Variants in APBB1 observed in about 807,000 individuals in gnomAD.
APBB1 encodes amyloid beta precursor protein binding family B member 1, also known as adaptor protein FE65a2.
In APBB1, 22 loss-of-function variants were observed where a neutral mutation model predicts 78.4. The observed-to-expected ratio is 0.28, with a 90% confidence interval of 0.20 to 0.40. The LOEUF is 0.40. APBB1 is among the 10% of genes least tolerant of loss of function. The pLI is 1.00. For missense variants in APBB1, 749 were observed against 932.4 expected, an observed-to-expected ratio of 0.80 and a Z score of 2.56; for synonymous variants, 369 against 372.7, an observed-to-expected ratio of 0.99 and a Z score of 0.12.
At position 6,402,181 on chromosome 11, in the gene APBB1, T is replaced by A. The variant is rs1350770533; in HGVS notation, c.1283A>T (p.Asp428Val). Residue 428 changes from aspartate (D) to valine (V), a missense_variant, in exon 8 of 15, where the codon GAT becomes GTT. This residue lies in a region of APBB1 where 635 missense variants were observed against 765.0 expected (regional missense o/e 0.83). Transcript: ENST00000609360. ...EGKDLLLQLE[D>V]ETLKLVEPQS... The stretch of plus-strand genomic sequence containing the variant: ...TGGCTCCACTAGCTTTAGTGTCTCA[T>A]CCTCCAGCTGCAGTAGCAGATCCTT... 3.1e-6 allele frequency: 5 copies of A among 1,613,952 alleles called. No individual in the cohort carries two copies. The highest frequency in any genetic ancestry group is 4.2e-6 in the Non-Finnish European group (5 of 1,180,006).
intron 12 of APBB1, among the ~76,000 whole-genome samples, chr11:6,397,014 C>T (rs1368905981): frequency 2.0e-5 from 3 of 152,260 alleles, no homozygotes; most frequent in Admixed American, 1.3e-4. Flanking sequence ...GCCTCCTCCA[C>T]CTCAAACTGC....
At chr11:6,408,012 C>A (rs1461154007) in intron 2 of APBB1, among the ~76,000 whole-genome samples, 2 of 152,034 alleles carry the variant, frequency 1.3e-5, no homozygotes, top group Non-Finnish European at 2.9e-5. Context: ...ATCTCCTGAC[C>A]TCATGATCCA....
At chr11:6,413,088 G>A (rs929054324) in intron 1 of APBB1, among the ~76,000 whole-genome samples, 4 of 151,574 alleles carry the variant, frequency 2.6e-5, no homozygotes, top group African/African-American at 4.9e-5. Flanking sequence ...GGACCCCCAA[G>A]AGAAAGTGCT....
Position 6,411,679 on chromosome 11 carries a change from A to AC in APBB1, c.-14-319dup, listed in dbSNP as rs1848968384. Among the ~76,000 whole-genome samples the AC allele has an allele frequency of 6.6e-6, 1 of 151,098 alleles. No homozygotes were observed. The highest frequency in any genetic ancestry group is 2.1e-4 in the South Asian group (1 of 4,768). On this transcript the variant is annotated intron_variant, in intron 1 of 14. Coordinates refer to ENST00000609360, the MANE Select transcript of APBB1 (RefSeq NM_001164.5). This position sits in a 1 kb window ranked among gnomAD's most constrained non-coding sequence, Gnocchi z 5.2. Reference sequence around the variant, plus strand: ...ACACAATGGCTCTCTGTGCCTCCCCACCCCCCAGCTCATCCACCCGGGGCT... The same window carrying AC: ...ACACAATGGCTCTCTGTGCCTCCCCACCCCCCCAGCTCATCCACCCGGGGCT...
At chr11:6,406,783 T>C (rs1445612655) in intron 2 of APBB1, among the ~76,000 whole-genome samples, 1 of 152,096 alleles carries the variant, frequency 6.6e-6, no homozygotes, top group Non-Finnish European at 1.5e-5. Context: ...AACTGACCCA[T>C]TGCCCTCTCC....
chr11:6,405,371 AC>A (rs1393297465), intron 2 of APBB1: 1 of 985,690 alleles, frequency 1.0e-6, no homozygotes, highest in Non-Finnish European at 1.2e-6. Context: ...TCCCAGCACC[AC>A]CCCCCACCCC....
rs116796933 is a variant in APBB1 at position 6,405,961 on chromosome 11, C to G, written c.722-2139G>C. 4.7e-3 allele frequency among the ~76,000 whole-genome samples: 709 copies of G among 152,304 alleles called. 3 individuals are homozygous for G. Among genetic ancestry groups the G allele is most frequent in the African/African-American group, 0.016 (668 of 41,568 alleles). On this transcript the variant is annotated intron_variant, in intron 2 of 14. Transcript: ENST00000609360. The stretch of plus-strand genomic sequence containing the variant: ...GCTGGACACTTCTGGAATCTGGGGA[C>G]CAGTTCACCATCTCCTGACTGAGTC...
At chr11:6,396,835 G>A (rs1848256080) in intron 12 of APBB1, among the ~76,000 whole-genome samples, 1 of 152,112 alleles carries the variant, frequency 6.6e-6, no homozygotes, top group South Asian at 2.1e-4. Flanking sequence ...CCAGAGCCTG[G>A]GTTCTTAGCC....
At position 6,396,108 on chromosome 11, in the gene APBB1, G is replaced by A. The variant is rs1848202482; in HGVS notation, c.1780C>T (p.His594Tyr). ...SVAPATLTILHQQTEAVLGEC... is the reference protein window; with the variant it reads ...SVAPATLTILYQQTEAVLGEC... Reference sequence around the variant, plus strand: ...CTACCCCAGCTCTTTACCTGCTGGTGCAAGATGGTGAGGGTAGCAGGGGCC... The same window carrying A: ...CTACCCCAGCTCTTTACCTGCTGGTACAAGATGGTGAGGGTAGCAGGGGCC... The change falls in exon 13 of 15, where the codon CAC becomes TAC. Residue 594 changes from histidine (H) to tyrosine (Y), a missense_variant. His to Tyr is a moderately conservative substitution (Grantham distance 83, BLOSUM62 2). This residue lies in a region of APBB1 where 18 missense variants were observed against 51.4 expected (regional missense o/e 0.35). Coordinates refer to ENST00000609360, the MANE Select transcript of APBB1 (RefSeq NM_001164.5). 1 of 1,563,542 alleles carries A rather than the reference G, an allele frequency of 6.4e-7. No homozygotes were observed. The highest frequency in any genetic ancestry group is 8.7e-7 in the Non-Finnish European group (1 of 1,154,210).
At chr11:6,419,095 G>A (rs1849195245), upstream of APBB1, 3 of 382,530 alleles carry the variant, frequency 7.8e-6, no homozygotes, top group African/African-American at 6.3e-5. Flanking sequence ...CGCGCGGGCC[G>A]CGGGGCCGCG....
chr11:6,419,015 G>C lies in APBB1; in HGVS notation c.-45C>G, dbSNP rs1486948669. Reference sequence around the variant, plus strand: ...CGGTGAGGCCCCGGGCCCAGATGACGGAGGTGGCTCAGGCTGCGGGGTTCG... The same window carrying C: ...CGGTGAGGCCCCGGGCCCAGATGACCGAGGTGGCTCAGGCTGCGGGGTTCG... On this transcript the variant is annotated 5_prime_UTR_variant, in exon 1 of 15. Transcript: ENST00000609360. 1.0e-5 allele frequency: 4 copies of C among 393,524 alleles called. No individual in the cohort carries two copies. Among genetic ancestry groups the C allele is most frequent in the African/African-American group, 8.3e-5 (4 of 48,312 alleles). 24.4% of individuals were successfully genotyped at this position (393,524 alleles called of 1,614,324 possible).
chr11:6,408,707 T>C (rs1848885158), intron 2 of APBB1, among the ~76,000 whole-genome samples: 1 of 152,170 alleles, frequency 6.6e-6, no homozygotes, highest in Admixed American at 6.5e-5. Flanking sequence ...TTTCACCATG[T>C]TGGCCAGGCT....
chr11:6,396,020 C>T (rs905114800), intron 13 of APBB1, 58 bp from the exon 14 acceptor site: 3 of 1,601,902 alleles, frequency 1.9e-6, no homozygotes, highest in Non-Finnish European at 2.6e-6. Flanking sequence ...GTTCCACATC[C>T]ATCTTAGCAG....
chr11:6,403,457 A>C lies in APBB1; in HGVS notation c.954+31T>G, dbSNP rs778111448. ...TCAAAATGATGCCCCTCCTCCAGCT[A>C]TCCCGTGGTAAAGCAGGTCCCCTTA... On this transcript the variant is annotated intron_variant, in intron 4 of 14. Transcript: ENST00000609360. This position sits in a 1 kb window ranked among gnomAD's most constrained non-coding sequence, Gnocchi z 5.3. The C allele has an allele frequency of 2.5e-6, 4 of 1,614,054 alleles. No individual in the cohort carries two copies. Among genetic ancestry groups the C allele is most frequent in the Non-Finnish European group, 3.4e-6 (4 of 1,180,006 alleles).
At chr11:6,404,223 C>T (rs1402126204) in intron 2 of APBB1, among the ~76,000 whole-genome samples, 1 of 152,214 alleles carries the variant, frequency 6.6e-6, no homozygotes, top group Non-Finnish European at 1.5e-5. Context: ...ACAACACATA[C>T]AAGCCCTACC....
At chr11:6,409,707 A>C (rs1179767951) in intron 2 of APBB1, among the ~76,000 whole-genome samples, 2 of 146,388 alleles carry the variant, frequency 1.4e-5, no homozygotes, top group African/African-American at 5.6e-5. Flanking sequence ...TCCATCTACA[A>C]AACTCCAGGG....
At chr11:6,405,319 G>C (rs1451706225) in intron 2 of APBB1, 7 of 987,992 alleles carry the variant, frequency 7.1e-6, no homozygotes, top group Middle Eastern at 5.2e-4. Context: ...GGTGGGCTTT[G>C]AGGTCCTGAG....
intron 1 of APBB1, among the ~76,000 whole-genome samples, chr11:6,418,369 G>C (rs1320795500): frequency 6.6e-6 from 1 of 152,204 alleles, no homozygotes; most frequent in Non-Finnish European, 1.5e-5. Flanking sequence ...TGGGAAGTAA[G>C]GAAATGAAGA....
In APBB1 at chr11:6,404,140, A is replaced by G. The variant is rs78217213; in HGVS notation, c.722-318T>C. 6.8e-3 allele frequency: 2,468 copies of G among 365,186 alleles called. 58 individuals are homozygous for G. The highest frequency in any genetic ancestry group is 0.047 in the African/African-American group (2,296 of 48,934). The allele number at this position is 365,186 out of a possible 1,614,324, so 22.6% of individuals were successfully genotyped here. On this transcript the variant is annotated intron_variant, in intron 2 of 14. Transcript: ENST00000609360. ...GACCCCAATTAACCTCCTTTCATACATATCTATTATCTCAGTTAACACGAA... is the reference window on the plus strand; with the variant it reads ...GACCCCAATTAACCTCCTTTCATACGTATCTATTATCTCAGTTAACACGAA...
Sources: gnomAD v4.1 joint callset for allele counts (sites outside exome capture counted in the v4.1 genomes callset) on GRCh38, gnomAD v4.1.1 for gene constraint, gnomAD v4.1.1 regional missense constraint, Gnocchi (gnomAD v3.1) non-coding constraint, MANE v1.5 for transcripts, NCBI Gene and HGNC (gene_info 2026-07-23, HGNC 2026-07-21) for gene names.